The following PHKB variants were observed in gnomAD, a reference collection of about 807,000 sequenced individuals.
PHKB encodes phosphorylase kinase regulatory subunit beta, also known as phosphorylase b kinase regulatory subunit beta.
In PHKB, 122 loss-of-function variants were observed where a neutral mutation model predicts 152.1. The ratio of observed to expected loss-of-function variants is 0.80; its 90% CI spans 0.69 to 0.93. The LOEUF is 0.93. Ranked by LOEUF, PHKB falls within the 40% of genes least tolerant of loss-of-function variation. The pLI is 0.00. For missense variants in PHKB, 1,304 were observed against 1,328.4 expected, an observed-to-expected ratio of 0.98 and a Z score of 0.29; for synonymous variants, 436 against 464.9, an observed-to-expected ratio of 0.94 and a Z score of 0.80.
intron 13 of PHKB, among the ~76,000 whole-genome samples, chr16:47,598,458 C>CGATG (rs1972162465): frequency 6.6e-6 from 1 of 152,128 alleles, no homozygotes; most frequent in Admixed American, 6.5e-5. Flanking sequence ...TTGAAATAAC[C>CGATG]TGTGTGAATA....
chr16:47,522,794 A>G (rs1012977646), intron 6 of PHKB, among the ~76,000 whole-genome samples: 6 of 151,530 alleles, frequency 4.0e-5, no homozygotes, highest in African/African-American at 1.5e-4. Flanking sequence ...TCTTTGACCC[A>G]TTGTTTATTT....
At chr16:47,591,156 G>A (rs1972022217) in intron 10 of PHKB, among the ~76,000 whole-genome samples, 1 of 151,538 alleles carries the variant, frequency 6.6e-6, no homozygotes, top group Non-Finnish European at 1.5e-5. Context: ...TCTCTGTCTT[G>A]TTTCCCCAAC....
chr16:47,554,239 A>G (rs1021344864), intron 7 of PHKB, among the ~76,000 whole-genome samples: 18 of 152,196 alleles, frequency 1.2e-4, no homozygotes, highest in Non-Finnish European at 2.9e-5. Flanking sequence ...CTAGAGAGGC[A>G]GTCTGGCTAC....
chr16:47,696,387 A>G lies in PHKB; in HGVS notation c.2902A>G (p.Thr968Ala). The change falls in exon 29 of 31, where the codon ACC becomes GCC. Residue 968 changes from threonine (T) to alanine (A), a missense_variant. Coordinates refer to ENST00000323584, the MANE Select transcript of PHKB (RefSeq NM_000293.3). ...GTGGAGTTATTTTTTTCAGCAACCA[A>G]CCCTGTCAGATATGACCATGTATGA... ...VAGKHLPQQPTLSDMTMYEMN... is the reference protein window; with the variant it reads ...VAGKHLPQQPALSDMTMYEMN... 6.3e-7 allele frequency: 1 copy of G among 1,588,354 alleles called. No individual in the cohort carries two copies. Among genetic ancestry groups the G allele is most frequent in the South Asian group, 1.1e-5 (1 of 90,542 alleles).
At chr16:47,646,885 A>G (rs1223616743) in intron 16 of PHKB, among the ~76,000 whole-genome samples, 1 of 152,030 alleles carries the variant, frequency 6.6e-6, no homozygotes, top group Non-Finnish European at 1.5e-5. Flanking sequence ...TAAAATAACA[A>G]AAAATTGGGA....
intron 10 of PHKB, among the ~76,000 whole-genome samples, chr16:47,589,725 A>AT (rs1157669834): frequency 6.6e-6 from 1 of 152,230 alleles, no homozygotes; most frequent in Non-Finnish European, 1.5e-5. Flanking sequence ...AAAAAGTAAG[A>AT]AGTCATGCAC....
intron 14 of PHKB, among the ~76,000 whole-genome samples, chr16:47,626,615 G>C (rs1349857553): frequency 6.6e-6 from 1 of 152,168 alleles, no homozygotes; most frequent in Non-Finnish European, 1.5e-5. Context: ...CTGACTTAGC[G>C]AAGAGAACTC....
chr16:47,568,040 G>A lies in PHKB; in HGVS notation c.711-12255G>A, dbSNP rs559958286. 3.0e-4 allele frequency among the ~76,000 whole-genome samples: 46 copies of A among 152,218 alleles called. No homozygotes were observed. The South Asian group carries it at 6.4e-3, about 21-fold the overall frequency. ...GTCCTTTCCTTGCTTTGGTATCAGGGTGATACCGACTTTGTAGAATGAGTG... is the reference window on the plus strand; with the variant it reads ...GTCCTTTCCTTGCTTTGGTATCAGGATGATACCGACTTTGTAGAATGAGTG... On this transcript the variant is annotated intron_variant, in intron 7 of 30. Coordinates refer to ENST00000323584, the MANE Select transcript of PHKB (RefSeq NM_000293.3).
intron 14 of PHKB, among the ~76,000 whole-genome samples, chr16:47,617,655 TG>T (rs1972542710): frequency 6.6e-6 from 1 of 152,220 alleles, no homozygotes; most frequent in Admixed American, 6.5e-5. Flanking sequence ...GTCACATACC[TG>T]GTATTTCTCA....
intron 25 of PHKB, 101 bp from the exon 26 acceptor site, chr16:47,669,114 G>C (rs1567348961): frequency 8.5e-6 from 7 of 822,248 alleles, no homozygotes; most frequent in Non-Finnish European, 1.2e-5. Flanking sequence ...AGCTTATATA[G>C]AGTAATTTCA....
At chr16:47,625,703 T>C (rs1278968880) in intron 14 of PHKB, among the ~76,000 whole-genome samples, 1 of 152,166 alleles carries the variant, frequency 6.6e-6, no homozygotes, top group African/African-American at 2.4e-5. Flanking sequence ...ACCCTTTACT[T>C]TTATTATGTT....
At chr16:47,524,947 T>C (rs1399133267) in intron 6 of PHKB, among the ~76,000 whole-genome samples, 1 of 152,242 alleles carries the variant, frequency 6.6e-6, no homozygotes, top group Non-Finnish European at 1.5e-5. Flanking sequence ...TAAAATTTTT[T>C]TAAAAATTCT....
intron 7 of PHKB, among the ~76,000 whole-genome samples, chr16:47,571,608 C>T (rs1287288500): frequency 6.6e-6 from 1 of 152,166 alleles, no homozygotes; most frequent in African/African-American, 2.4e-5. Context: ...GAGGGCACTC[C>T]TCCCAAGGCG....
chr16:47,697,990 A>G (rs1974179759), intron 29 of PHKB, among the ~76,000 whole-genome samples: 1 of 152,134 alleles, frequency 6.6e-6, no homozygotes, highest in South Asian at 2.1e-4. Context: ...CCTGGGCTCC[A>G]GGTCGTTTGA....
At chr16:47,461,937 G>C (rs1327950427) in intron 1 of PHKB, among the ~76,000 whole-genome samples, 1 of 152,146 alleles carries the variant, frequency 6.6e-6, no homozygotes, top group Non-Finnish European at 1.5e-5. Flanking sequence ...CATCTATCTA[G>C]CAGAAACTGA....
chr16:47,675,214 G>A (rs1248694799), intron 26 of PHKB, among the ~76,000 whole-genome samples: 1 of 152,166 alleles, frequency 6.6e-6, no homozygotes, highest in Admixed American at 6.5e-5. Context: ...GAGTGACGCA[G>A]AGTTCATGCT....
At chr16:47,558,379 T>C (rs1971418595) in intron 7 of PHKB, among the ~76,000 whole-genome samples, 1 of 152,032 alleles carries the variant, frequency 6.6e-6, no homozygotes, top group African/African-American at 2.4e-5. Context: ...ACTTAAAGTA[T>C]AATAATAATA....
chr16:47,509,677 C>G (rs1239679493), intron 4 of PHKB, among the ~76,000 whole-genome samples: 1 of 152,024 alleles, frequency 6.6e-6, no homozygotes, highest in Non-Finnish European at 1.5e-5. Flanking sequence ...TAGCTAGTGC[C>G]TACCATGTTG....
At chr16:47,512,601 A>C (rs1970528780) in intron 5 of PHKB, among the ~76,000 whole-genome samples, 1 of 152,186 alleles carries the variant, frequency 6.6e-6, no homozygotes, top group African/African-American at 2.4e-5. Flanking sequence ...GAAGTCCATA[A>C]ATTTTGTCTT....
Sources: gnomAD v4.1 joint callset for allele counts (sites outside exome capture counted in the v4.1 genomes callset) on GRCh38, gnomAD v4.1.1 for gene constraint, MANE v1.5 for transcripts, NCBI Gene and HGNC (gene_info 2026-07-23, HGNC 2026-07-21) for gene names.